Variants in HIVEP3 observed in about 807,000 individuals in gnomAD.
HIVEP3 encodes transcription factor HIVEP3.
Under a neutral mutation model 152.8 loss-of-function variants are expected in HIVEP3, and 49 were observed. The ratio of observed to expected loss-of-function variants is 0.32; its 90% CI spans 0.26 to 0.41. The LOEUF (loss-of-function observed/expected upper bound fraction) is 0.41. Ranked by LOEUF, HIVEP3 falls within the 10% of genes least tolerant of loss-of-function variation. The pLI is 1.00. For synonymous variants in HIVEP3, 1,269 were observed against 1,289.0 expected (o/e 0.98, Z 0.33); for missense variants, 2,790 against 3,103.3 (o/e 0.90, Z 2.40).
In HIVEP3 at chr1:41,583,119, C is replaced by A. The variant is rs1212680137; in HGVS notation, c.1679G>T (p.Ser560Ile). 1 of 1,613,616 alleles carries A rather than the reference C, an allele frequency of 6.2e-7. No homozygotes were observed. Among genetic ancestry groups the A allele is most frequent in the Non-Finnish European group, 8.5e-7 (1 of 1,179,960 alleles). ...GGTGATATGGTCATCGAAGGAGTAG[C>A]TACCTCGGAAGGGGTGGTGGGGGGT... ...ISTPHHPFRG[S>I]YSFDDHITDS... is the part of the protein sequence containing the mutation. The change falls in exon 4 of 9, where the codon AGC becomes ATC. Residue 560 changes from serine to isoleucine, a missense_variant. This residue lies in a region of HIVEP3 where 339 missense variants were observed against 327.0 expected (regional missense o/e 1.04). Coordinates refer to ENST00000372583, the MANE Select transcript of HIVEP3 (RefSeq NM_024503.5). This position sits in a 1 kb window ranked among gnomAD's most constrained non-coding sequence, Gnocchi z 6.9.
At chr1:41,527,202 A>ACCTT in intron 5 of HIVEP3, among the ~76,000 whole-genome samples, 3 of 42,538 alleles carry the variant, frequency 7.1e-5, no homozygotes, top group African/African-American at 1.1e-4. Context: ...TCCCACTCCC[A>ACCTT]CACATGCTCA....
intron 5 of HIVEP3, among the ~76,000 whole-genome samples, chr1:41,574,981 A>C (rs1035959032): frequency 6.6e-6 from 1 of 152,210 alleles, no homozygotes; most frequent in Non-Finnish European, 1.5e-5. Context: ...AAGGTGAATA[A>C]CTATGAATGA....
At chr1:41,638,358 AAG>A (rs374392124) in intron 2 of HIVEP3, among the ~76,000 whole-genome samples, 1,851 of 36,214 alleles carry the variant, frequency 0.051, 17 homozygotes, top group Non-Finnish European at 0.07. Flanking sequence ...AAGAAAGAAA[AAG>A]GAAAGAAAGA....
At chr1:41,835,608 GTTAA>G (rs1357284912) in intron 1 of HIVEP3, among the ~76,000 whole-genome samples, 2 of 152,184 alleles carry the variant, frequency 1.3e-5, no homozygotes, top group African/African-American at 4.8e-5. Context: ...CTCTTCCATG[GTTAA>G]CTTCAGACAA....
intron 3 of HIVEP3, among the ~76,000 whole-genome samples, chr1:41,607,415 A>T (rs1644836894): frequency 6.6e-6 from 1 of 152,176 alleles, no homozygotes; most frequent in African/African-American, 2.4e-5. Flanking sequence ...CAATTTCAGC[A>T]AGTATTTCCT....
At chr1:41,648,182 T>C (rs1461718510) in intron 2 of HIVEP3, among the ~76,000 whole-genome samples, 3 of 152,218 alleles carry the variant, frequency 2.0e-5, no homozygotes, top group Non-Finnish European at 4.4e-5. Context: ...CACTCCCTCA[T>C]ATGGCATTGT....
intron 3 of HIVEP3, among the ~76,000 whole-genome samples, chr1:41,614,049 G>A (rs1644933459): frequency 6.6e-6 from 1 of 152,224 alleles, no homozygotes; most frequent in Non-Finnish European, 1.5e-5. Context: ...CACGCAGGTT[G>A]GAGCTGGCCG....
At chr1:41,630,079 G>A (rs1645172365) in intron 2 of HIVEP3, among the ~76,000 whole-genome samples, 2 of 152,206 alleles carry the variant, frequency 1.3e-5, no homozygotes, top group Non-Finnish European at 2.9e-5. Flanking sequence ...TATACACCAT[G>A]GAATATTATG....
chr1:41,528,875 T>C (rs61721078), intron 5 of HIVEP3, among the ~76,000 whole-genome samples: 49,031 of 103,798 alleles, frequency 0.47, 11,236 homozygotes, highest in Middle Eastern at 0.56. Flanking sequence ...CACTCCACAC[T>C]TCCACCCTCA....
At chr1:41,707,663 G>T (rs1356149343) in intron 1 of HIVEP3, among the ~76,000 whole-genome samples, 2 of 152,058 alleles carry the variant, frequency 1.3e-5, no homozygotes, top group African/African-American at 4.8e-5. Flanking sequence ...CTAAGAGGGG[G>T]ATCTTGGGTC....
At position 41,777,263 on chromosome 1, in the gene HIVEP3, C is replaced by T. The variant is rs572633867; in HGVS notation, c.-800-76268G>A. Among the ~76,000 whole-genome samples, 31 of 152,334 alleles carry T rather than the reference C, an allele frequency of 2.0e-4. 1 individual carries two copies. The highest frequency in any genetic ancestry group is 1.1e-3 in the Admixed American group (17 of 15,314). On this transcript the variant is annotated intron_variant, in intron 1 of 8. Coordinates refer to ENST00000372583, the MANE Select transcript of HIVEP3 (RefSeq NM_024503.5). Reference sequence around the variant, plus strand: ...GCTTCTCTATGCTTCTGATTGTCCCCGTGACTACCCAGGAACAAAGCGGGG... The same window carrying T: ...GCTTCTCTATGCTTCTGATTGTCCCTGTGACTACCCAGGAACAAAGCGGGG...
chr1:41,795,736 G>A (rs562197632), intron 1 of HIVEP3, among the ~76,000 whole-genome samples: 24 of 152,276 alleles, frequency 1.6e-4, no homozygotes, highest in Admixed American at 1.3e-3. Context: ...TGCTCAAATT[G>A]TTCTAGTTTT....
intron 2 of HIVEP3, among the ~76,000 whole-genome samples, chr1:41,659,512 A>G (rs1181029519): frequency 6.6e-6 from 1 of 152,206 alleles, no homozygotes; most frequent in Admixed American, 6.5e-5. Context: ...CTCAGCAAAC[A>G]TGTTCATCAA....
At chr1:41,917,738 G>A (rs919492597) in intron 1 of HIVEP3, among the ~76,000 whole-genome samples, 5 of 152,120 alleles carry the variant, frequency 3.3e-5, no homozygotes, top group South Asian at 2.1e-4. Context: ...TAGCAGGGAG[G>A]CAAGAATCCC....
At chr1:41,780,867 T>C (rs1335875553) in intron 1 of HIVEP3, among the ~76,000 whole-genome samples, 1 of 152,008 alleles carries the variant, frequency 6.6e-6, no homozygotes, top group Non-Finnish European at 1.5e-5. Context: ...AGGAATGACC[T>C]CCCCAGAGGC....
intron 2 of HIVEP3, among the ~76,000 whole-genome samples, chr1:41,676,410 T>C (rs1645957584): frequency 6.6e-6 from 1 of 152,050 alleles, no homozygotes; most frequent in Admixed American, 6.5e-5. Context: ...GGGGACAGTT[T>C]CCTCCCCATG....
intron 2 of HIVEP3, among the ~76,000 whole-genome samples, chr1:41,672,556 C>T (rs1307949013): frequency 6.6e-6 from 1 of 152,210 alleles, no homozygotes; most frequent in Non-Finnish European, 1.5e-5. Context: ...GCTTTATCCC[C>T]CAACAATCCT....
intron 1 of HIVEP3, among the ~76,000 whole-genome samples, chr1:41,958,772 G>C (rs1645153823): frequency 6.6e-6 from 1 of 152,222 alleles, no homozygotes; most frequent in Non-Finnish European, 1.5e-5. Flanking sequence ...TGCATGAAGA[G>C]AAAAGTGGCC....
intron 1 of HIVEP3, among the ~76,000 whole-genome samples, chr1:41,994,670 G>A (rs1054517193): frequency 6.6e-6 from 1 of 152,130 alleles, no homozygotes; most frequent in Non-Finnish European, 1.5e-5. Context: ...TGTTAAGCCT[G>A]CTGAACTGTG....
Sources: gnomAD v4.1 joint callset for allele counts (sites outside exome capture counted in the v4.1 genomes callset) on GRCh38, gnomAD v4.1.1 for gene constraint, gnomAD v4.1.1 regional missense constraint, Gnocchi (gnomAD v3.1) non-coding constraint, MANE v1.5 for transcripts, NCBI Gene and HGNC (gene_info 2026-07-23, HGNC 2026-07-21) for gene names.